The following ADAMTS9 variants were observed in gnomAD, a reference collection of about 807,000 sequenced individuals.
The protein encoded by ADAMTS9 is A disintegrin and metalloproteinase with thrombospondin motifs 9.
Under a neutral mutation model 257.1 loss-of-function variants are expected in ADAMTS9, and 107 were observed. The observed-to-expected ratio is 0.42, with a 90% CI of 0.36 to 0.49. The LOEUF (loss-of-function observed/expected upper bound fraction) is 0.49. Among genes scored for constraint, ADAMTS9 ranks in the 20% least tolerant of loss-of-function variants. The probability of loss-of-function intolerance (pLI) is 0.03; values close to 1 mark genes in which losing one functional copy is unlikely to be tolerated. For missense variants in ADAMTS9, 2,353 were observed against 2,469.1 expected (o/e 0.95, Z 1.00); for synonymous variants, 982 against 880.9 (o/e 1.11, Z -2.03).
intron 29 of ADAMTS9, among the ~76,000 whole-genome samples, chr3:64,564,757 C>T (rs1353896135): frequency 2.6e-5 from 4 of 151,842 alleles, no homozygotes; most frequent in African/African-American, 7.2e-5. Flanking sequence ...CCATGGGGTA[C>T]AAAATCACCC....
chr3:64,661,132 A>C (rs1251780089), intron 3 of ADAMTS9, among the ~76,000 whole-genome samples: 4 of 152,220 alleles, frequency 2.6e-5, no homozygotes, highest in Admixed American at 1.3e-4. Context: ...TAAAATCTGA[A>C]CAAACTGTCA....
At chr3:64,530,724 G>C (rs2082970567) in intron 38 of ADAMTS9, among the ~76,000 whole-genome samples, 1 of 151,882 alleles carries the variant, frequency 6.6e-6, no homozygotes, top group Non-Finnish European at 1.5e-5. Context: ...TTATAATTTA[G>C]GTTACAGTTT....
At chr3:64,606,304 T>G (rs1228132791) in intron 23 of ADAMTS9, among the ~76,000 whole-genome samples, 2 of 152,214 alleles carry the variant, frequency 1.3e-5, no homozygotes, top group East Asian at 3.8e-4. Flanking sequence ...AGCCCTGAAT[T>G]GTAGCCCTTG....
At chr3:64,589,695 T>C (rs576723027) in intron 28 of ADAMTS9, 3 of 152,284 alleles carry the variant, frequency 2.0e-5, no homozygotes, top group Non-Finnish European at 4.4e-5. Flanking sequence ...ATGAATACCA[T>C]AATAACCTAT....
In ADAMTS9 at chr3:64,601,114, T is replaced by G. The variant is rs560584409; in HGVS notation, c.4017+830A>C. ...AACATTCCAAAGCATACTTTTCCTT[T>G]GATATCAGATATTTGTCAAGGCCTC... On this transcript the variant is annotated intron_variant, in intron 26 of 39. Transcript: ENST00000498707. 1.7e-4 allele frequency among the ~76,000 whole-genome samples: 26 copies of G among 152,326 alleles called. No individual in the cohort carries two copies. The East Asian group carries it at 4.4e-3, about 26-fold the overall frequency.
At chr3:64,544,775 A>C (rs1311983325) in intron 32 of ADAMTS9, among the ~76,000 whole-genome samples, 2 of 152,244 alleles carry the variant, frequency 1.3e-5, no homozygotes, top group African/African-American at 4.8e-5. Context: ...GGATCTAATT[A>C]AACTAAAGAG....
Position 64,596,971 on chromosome 3 carries a change from G to A in ADAMTS9, c.4038C>T (p.Gly1346=), listed in dbSNP as rs150397612. ...PWGACSSTCA[G]GSQRRVVVCQ... is the part of the protein sequence containing the mutation. ...ATACAACAACACGCCGCTGGGATCC[G>A]CCAGCACAGGTACTGGAACACTAAA... The change falls in exon 27 of 40, where the codon GGC becomes GGT. Residue 1346 remains glycine, a synonymous_variant. Transcript: ENST00000498707. 5,867 of 1,613,652 alleles carry A rather than the reference G, an allele frequency of 3.6e-3. 87 individuals carry two copies. The highest frequency in any genetic ancestry group is 0.028 in the East Asian group (1,246 of 44,822).
At chr3:64,557,443 T>C (rs966274022) in intron 30 of ADAMTS9, among the ~76,000 whole-genome samples, 1 of 152,218 alleles carries the variant, frequency 6.6e-6, no homozygotes, top group Non-Finnish European at 1.5e-5. Context: ...TTAACTTTTT[T>C]CTTCCAAACA....
At chr3:64,648,915 T>C (rs1393168294) in intron 10 of ADAMTS9, among the ~76,000 whole-genome samples, 5 of 152,250 alleles carry the variant, frequency 3.3e-5, no homozygotes, top group African/African-American at 1.2e-4. Context: ...TTACTCAAAA[T>C]TTTGTTATTA....
chr3:64,613,407 T>C lies in ADAMTS9; in HGVS notation c.3292A>G (p.Thr1098Ala), dbSNP rs1184207892. The C allele has an allele frequency of 1.9e-6, 3 of 1,613,942 alleles. No homozygotes were observed. Among genetic ancestry groups the C allele is most frequent in the African/African-American group, 2.7e-5 (2 of 74,940 alleles). The change falls in exon 22 of 40, where the codon ACA (threonine) becomes GCA (alanine). Residue 1098 changes from threonine to alanine, a missense_variant. Physicochemically the swap from Thr to Ala is moderately conservative, Grantham distance 58. This residue lies in a region of ADAMTS9 where 1,402 missense variants were observed against 1,441.4 expected (regional missense o/e 0.97). Transcript: ENST00000498707. ...DRMCDPETKP[T>A]SMQTCQQPEC... ...GGCTGCTGACAAGTCTGCATAGATG[T>C]TGGCTTGGTCTCAGGGTCACACATT...
intron 25 of ADAMTS9, 39 bp downstream of exon 25, chr3:64,603,883 C>T (rs768846836): frequency 5.6e-6 from 9 of 1,606,858 alleles, no homozygotes; most frequent in Admixed American, 1.7e-5. Flanking sequence ...CTCAATGTTT[C>T]CCCCATTCCC....
In ADAMTS9 at chr3:64,594,366, C is replaced by T. The variant is rs780335508; in HGVS notation, c.4248G>A (p.Arg1416=). ...GAATTTCACAGCTCAAATCTGGAAA[C>T]CGTTCACCGTTGGACCGCTGACAGA... ...LVVCQRSNGE[R]FPDLSCEILD... is the part of the protein sequence containing the mutation. The change falls in exon 28 of 40, where the codon CGG becomes CGA. Residue 1416 remains arginine, a synonymous_variant. Transcript: ENST00000498707. 1.9e-6 allele frequency: 3 copies of T among 1,613,958 alleles called. No individual in the cohort carries two copies. Among genetic ancestry groups the T allele is most frequent in the African/African-American group, 2.7e-5 (2 of 74,928 alleles).
At chr3:64,642,693 TG>T (rs1700681181) in intron 11 of ADAMTS9, among the ~76,000 whole-genome samples, 1 of 152,134 alleles carries the variant, frequency 6.6e-6, no homozygotes, top group East Asian at 1.9e-4. Flanking sequence ...CTGCCATTGT[TG>T]GGGTGTGAAG....
intron 12 of ADAMTS9, among the ~76,000 whole-genome samples, chr3:64,641,245 T>A (rs542024707): frequency 2.6e-3 from 278 of 107,076 alleles, no homozygotes; most frequent in Non-Finnish European, 3.7e-3. Context: ...TAGTGTGCTA[T>A]CTTTTTTTTT....
At chr3:64,638,758 C>G (rs999772492) in intron 12 of ADAMTS9, among the ~76,000 whole-genome samples, 1 of 151,964 alleles carries the variant, frequency 6.6e-6, no homozygotes, top group African/African-American at 2.4e-5. Flanking sequence ...CACGGCAAGG[C>G]TACTTATCTT....
Position 64,682,655 on chromosome 3 carries a change from C to T in ADAMTS9, c.517-1292G>A, listed in dbSNP as rs1307273304. On this transcript the variant is annotated intron_variant, in intron 2 of 39. Coordinates refer to ENST00000498707, the MANE Select transcript of ADAMTS9 (RefSeq NM_182920.2). ...TTCCATTGACACAGGAGAAATGACT[C>T]CCTGAACATCAGCAGCTGCATCCGC... 3.3e-5 allele frequency among the ~76,000 whole-genome samples: 5 copies of T among 152,220 alleles called. No homozygotes were observed. The South Asian group carries it at 8.3e-4, about 25-fold the overall frequency.
At chr3:64,640,093 T>G (rs1700601216) in intron 12 of ADAMTS9, among the ~76,000 whole-genome samples, 2 of 152,236 alleles carry the variant, frequency 1.3e-5, no homozygotes, top group Admixed American at 6.5e-5. Context: ...ATAGGCTATA[T>G]AGAAAATCTA....
At chr3:64,605,690 A>G (rs1292998147) in intron 23 of ADAMTS9, among the ~76,000 whole-genome samples, 2 of 152,198 alleles carry the variant, frequency 1.3e-5, no homozygotes, top group Admixed American at 6.5e-5. Context: ...ATCAAGGCCC[A>G]TATAGAATAG....
chr3:64,656,668 T>A (rs1373601608), intron 4 of ADAMTS9, among the ~76,000 whole-genome samples: 1 of 152,062 alleles, frequency 6.6e-6, no homozygotes, highest in Non-Finnish European at 1.5e-5. Context: ...AAAATGAGGC[T>A]GTGCATATGC....
Sources: gnomAD v4.1 joint callset for allele counts (sites outside exome capture counted in the v4.1 genomes callset) on GRCh38, gnomAD v4.1.1 for gene constraint, gnomAD v4.1.1 regional missense constraint, MANE v1.5 for transcripts, NCBI Gene and HGNC (gene_info 2026-07-23, HGNC 2026-07-21) for gene names.